PSMD5: variants seen among roughly 807,000 people sequenced by gnomAD.
PSMD5 encodes the protein proteasome 26S subunit, non-ATPase 5, also known as 26S proteasome non-ATPase regulatory subunit 5.
Under a neutral mutation model 52.1 loss-of-function variants are expected in PSMD5, and 40 were observed. The observed-to-expected ratio is 0.77, with a 90% CI of 0.60 to 1.00. The LOEUF is 1.00. Among genes scored for constraint, PSMD5 ranks in the 50% least tolerant of loss-of-function variants. The pLI, the probability that PSMD5 is intolerant of heterozygous loss-of-function variation, is 0.00. For missense variants in PSMD5, 575 were observed against 605.2 expected, an observed-to-expected ratio of 0.95 and a Z score of 0.52; for synonymous variants, 211 against 226.6, an observed-to-expected ratio of 0.93 and a Z score of 0.62.
chr9:120,827,008 C>T (rs2045127606), intron 5 of PSMD5, 101 bp from the exon 6 acceptor site: 1 of 1,224,346 alleles, frequency 8.2e-7, no homozygotes, highest in Non-Finnish European at 1.1e-6. Context: ...CTTCTTATCA[C>T]ATTCGAAAGG....
intron 9 of PSMD5, among the ~76,000 whole-genome samples, chr9:120,820,330 A>T (rs1199854049): frequency 1.3e-5 from 2 of 152,364 alleles, no homozygotes; most frequent in Admixed American, 1.3e-4. Context: ...AATGCAACAT[A>T]TGAGAACCAA....
intron 1 of PSMD5, among the ~76,000 whole-genome samples, chr9:120,834,875 G>C (rs2045188042): frequency 6.6e-6 from 1 of 152,232 alleles, no homozygotes; most frequent in African/African-American, 2.4e-5. Flanking sequence ...AGTGAGGATA[G>C]AGAGAAGAGG....
chr9:120,829,067 G>T, intron 5 of PSMD5, 32 bp downstream of exon 5: 1 of 1,531,190 alleles, frequency 6.5e-7, no homozygotes, highest in East Asian at 2.3e-5. Context: ...TTCAAAAGAG[G>T]ATATTTCACT....
intron 9 of PSMD5, among the ~76,000 whole-genome samples, chr9:120,820,457 G>A (rs1026678993): frequency 1.3e-5 from 2 of 152,188 alleles, no homozygotes; most frequent in Admixed American, 1.3e-4. Context: ...TAGATACGGA[G>A]ACCCCAGCAA....
chr9:120,839,979 G>T (rs973092688), intron 1 of PSMD5, among the ~76,000 whole-genome samples: 1 of 150,950 alleles, frequency 6.6e-6, no homozygotes, highest in Admixed American at 6.6e-5. Context: ...AAAATTAGCT[G>T]GGCGTTGTGG....
At chr9:120,819,268 C>T (rs957546386) in intron 9 of PSMD5, among the ~76,000 whole-genome samples, 2 of 152,140 alleles carry the variant, frequency 1.3e-5, no homozygotes, top group African/African-American at 2.4e-5. Flanking sequence ...GGCTCTGCCC[C>T]ACAACTACTG....
In PSMD5 at chr9:120,820,851, T is replaced by G; in HGVS notation, c.1245A>C (p.Leu415Phe). Residue 415 changes from leucine (L) to phenylalanine (F), a missense_variant, in exon 9 of 10, where the codon TTA becomes TTC. Leu to Phe is a conservative substitution (Grantham distance 22). Transcript: ENST00000210313. ...AGTGAATACCTACCGTAAACACTTT[T>G]AAGGCAGCACAGTGTAGTTCAGGGA... ...QPFPELHCAA[L>F]KVFTAIANQP... 1 of 1,584,206 alleles carries G rather than the reference T, an allele frequency of 6.3e-7. No individual in the cohort carries two copies. The highest frequency in any genetic ancestry group is 8.5e-7 in the Non-Finnish European group (1 of 1,171,604).
intron 9 of PSMD5, among the ~76,000 whole-genome samples, chr9:120,820,331 T>G (rs2045074720): frequency 6.6e-6 from 1 of 152,198 alleles, no homozygotes; most frequent in African/African-American, 2.4e-5. Context: ...ATGCAACATA[T>G]GAGAACCAAC....
At position 120,842,887 on chromosome 9, in the gene PSMD5, A is replaced by C. The variant is rs755299644; in HGVS notation, c.23T>G (p.Leu8Arg). The change falls in exon 1 of 10, where the codon CTG becomes CGG. Residue 8 changes from leucine (L) to arginine (R), a missense_variant. By Grantham distance (102) the Leu-to-Arg change is moderately radical. Coordinates refer to ENST00000210313, the MANE Select transcript of PSMD5 (RefSeq NM_005047.4). ...TTCCAGCCTCGCTACCTCTCTCAGCAGCGCCAAAGCCTGGGCTGCCATCTT... is the reference window on the plus strand; with the variant it reads ...TTCCAGCCTCGCTACCTCTCTCAGCCGCGCCAAAGCCTGGGCTGCCATCTT... Reference protein sequence around the residue: MAAQALALLREVARLEAP... With the variant: MAAQALARLREVARLEAP... 1 of 1,595,768 alleles carries C rather than the reference A, an allele frequency of 6.3e-7. No individual in the cohort carries two copies. The highest frequency in any genetic ancestry group is 8.5e-7 in the Non-Finnish European group (1 of 1,175,784).
chr9:120,831,104 A>T (rs1448995087), intron 4 of PSMD5, among the ~76,000 whole-genome samples: 1 of 152,080 alleles, frequency 6.6e-6, no homozygotes, highest in Admixed American at 6.6e-5. Flanking sequence ...GGCTGGTCTG[A>T]AACTCCTGGC....
At chr9:120,837,089 C>CCA (rs2045203115) in intron 1 of PSMD5, among the ~76,000 whole-genome samples, 5 of 152,132 alleles carry the variant, frequency 3.3e-5, no homozygotes, top group South Asian at 2.1e-4. Context: ...TGGGGTTTCA[C>CCA]TGTGTTAGCC....
intron 8 of PSMD5, 38 bp downstream of exon 8, chr9:120,821,317 A>G (rs2045082504): frequency 7.6e-7 from 1 of 1,315,130 alleles, no homozygotes; most frequent in Middle Eastern, 1.9e-4. Context: ...TCTCCCAAAC[A>G]TATCCCACTG....
chr9:120,816,103 A>T lies in PSMD5; in HGVS notation c.*1803T>A. 6.3e-6 allele frequency: 1 copy of T among 158,722 alleles called. No homozygotes were observed. The highest frequency in any genetic ancestry group is 1.4e-5 in the Non-Finnish European group (1 of 72,900). 9.8% of individuals were successfully genotyped at this position (158,722 alleles called of 1,614,324 possible). A position where few individuals can be genotyped will look rare whatever the true frequency, so the allele number is the denominator to read the frequency against. On this transcript the variant is annotated 3_prime_UTR_variant, in exon 10 of 10. Coordinates refer to ENST00000210313, the MANE Select transcript of PSMD5 (RefSeq NM_005047.4). ...TTTACAAATTTTATTCAATCTAAAA[A>T]AAAAATCAGAATGTGTAGACCATAC...
At chr9:120,829,494 A>G (rs1031659576) in intron 4 of PSMD5, among the ~76,000 whole-genome samples, 2 of 152,120 alleles carry the variant, frequency 1.3e-5, no homozygotes, top group African/African-American at 4.8e-5. Context: ...CTTGAGTTCA[A>G]GCGATTCTCG....
chr9:120,827,367 C>T (rs2045129718), intron 5 of PSMD5, among the ~76,000 whole-genome samples: 1 of 152,118 alleles, frequency 6.6e-6, no homozygotes, highest in South Asian at 2.1e-4. Flanking sequence ...TGCCATTTAC[C>T]CCTGCATACT....
rs1161888624 is a variant in PSMD5 at position 120,842,783 on chromosome 9, C to A, written c.127G>T (p.Glu43Ter). 6.2e-7 allele frequency: 1 copy of A among 1,613,018 alleles called. No individual in the cohort carries two copies. The highest frequency in any genetic ancestry group is 2.2e-5 in the East Asian group (1 of 44,880). The change falls in exon 1 of 10, where the codon GAG becomes TAG. Residue 43 changes from glutamate (E) to a stop codon, truncating the protein, a stop_gained. Transcript: ENST00000210313. LOFTEE classifies it high-confidence loss of function. ...PLNELRQQAA[E>*]LRLGPLFSLL... is the part of the protein sequence containing the mutation. ...GAGAAGAGCGGGCCGAGGCGCAGCTCCGCCGCTTGCTGGCGAAGCTCGTTG... is the reference window on the plus strand; with the variant it reads ...GAGAAGAGCGGGCCGAGGCGCAGCTACGCCGCTTGCTGGCGAAGCTCGTTG...
chr9:120,824,728 C>T (rs747852136), intron 6 of PSMD5, 43 bp from the exon 7 acceptor site: 29 of 1,500,618 alleles, frequency 1.9e-5, no homozygotes, highest in Non-Finnish European at 2.6e-5. Flanking sequence ...GGGAACAAGA[C>T]AGCATGAATT....
chr9:120,831,539 G>A, intron 3 of PSMD5, 80 bp from the exon 4 acceptor site: 2 of 1,438,706 alleles, frequency 1.4e-6, no homozygotes, highest in Non-Finnish European at 1.9e-6. Context: ...TAAAAATAGT[G>A]CATGGAATGC....
intron 1 of PSMD5, among the ~76,000 whole-genome samples, chr9:120,835,588 T>C (rs911222987): frequency 6.6e-6 from 1 of 151,684 alleles, no homozygotes; most frequent in East Asian, 1.9e-4. Flanking sequence ...ATTAGCTGGG[T>C]GTGGTAGTGG....
Sources: allele counts gnomAD v4.1 joint callset (sites outside exome capture counted in the v4.1 genomes callset), GRCh38; gene constraint gnomAD v4.1.1; transcripts MANE v1.5; gene names NCBI Gene and HGNC (gene_info 2026-07-23, HGNC 2026-07-21).